The following PVALB variants were observed in gnomAD, a reference collection of about 807,000 sequenced individuals.
PVALB encodes the protein parvalbumin.
Under a neutral mutation model 10.9 loss-of-function variants are expected in PVALB, and 11 were observed. That is an observed-to-expected ratio of 1.01 (90% confidence interval 0.63 to 1.67). The LOEUF (loss-of-function observed/expected upper bound fraction) is 1.67. PVALB is among the 40% of genes most tolerant of loss of function. The pLI is 0.00. For synonymous variants in PVALB, 57 were observed against 50.7 expected (o/e 1.12, Z -0.53); for missense variants, 131 against 136.2 (o/e 0.96, Z 0.19).
Position 36,813,670 on chromosome 22 carries a change from CA to C in PVALB, c.279del (p.Asp93GlufsTer22). 2 of 1,614,102 alleles carry C rather than the reference CA, an allele frequency of 1.2e-6. No individual in the cohort carries two copies. Among genetic ancestry groups the C allele is most frequent in the South Asian group, 2.2e-5 (2 of 91,068 alleles). ...CCGTCAACCCCAATTTTGCCGTCCC[CA>C]TCTTTGTCTCCAGCAGCCATCAGCA... Reference protein sequence around the residue: ...TKMLMAAGDKDGDGKIGVDEF... With the variant: ...TKMLMAAGDKXGDGKIGVDEF... On this transcript the variant is annotated frameshift_variant, in exon 3 of 4. Transcript: ENST00000417718. LOFTEE classifies it high-confidence loss of function.
intron 3 of PVALB, among the ~76,000 whole-genome samples, chr22:36,809,143 T>A (rs994442647): frequency 6.6e-6 from 1 of 152,192 alleles, no homozygotes; most frequent in African/African-American, 2.4e-5. Flanking sequence ...TGGCACCTGC[T>A]ACAGACAAGT....
chr22:36,806,116 C>T (rs1339087366), intron 3 of PVALB, among the ~76,000 whole-genome samples: 3 of 152,164 alleles, frequency 2.0e-5, no homozygotes, highest in Admixed American at 6.5e-5. Context: ...AGTGGGAATG[C>T]GACTAAATCA....
intron 3 of PVALB, among the ~76,000 whole-genome samples, chr22:36,805,119 T>C (rs1938929887): frequency 6.6e-6 from 1 of 152,184 alleles, no homozygotes; most frequent in South Asian, 2.1e-4. Flanking sequence ...TCCCTGGTCT[T>C]GCTTTTCTTA....
intron 3 of PVALB, 64 bp from the exon 4 acceptor site, chr22:36,800,982 C>T (rs1601516527): frequency 2.0e-6 from 3 of 1,514,676 alleles, no homozygotes; most frequent in Non-Finnish European, 2.7e-6. Context: ...CTGTCCACAC[C>T]TGACTGCGGG....
At chr22:36,818,801 G>T (rs1316947358), upstream of PVALB, 1 of 152,264 alleles carries the variant, frequency 6.6e-6, no homozygotes, top group Non-Finnish European at 1.5e-5. Flanking sequence ...GCAGAGCAGG[G>T]TACACCCCTG....
intron 3 of PVALB, among the ~76,000 whole-genome samples, chr22:36,812,269 C>T (rs1464982092): frequency 6.6e-6 from 1 of 152,148 alleles, no homozygotes; most frequent in African/African-American, 2.4e-5. Context: ...CTGGGCTTTA[C>T]ACTCAGGCAG....
chr22:36,804,802 C>T lies in PVALB; in HGVS notation c.305-3884G>A, dbSNP rs528026910. Among the ~76,000 whole-genome samples, 14 of 152,144 alleles carry T rather than the reference C, an allele frequency of 9.2e-5. No homozygotes were observed. In the South Asian group the frequency reaches 1.0e-3, roughly 11 times the overall value. ...TACAAAAGTCAGCCGGGAGTGGTGGCGCGCGCCTGTAATCCCAGGTACTCA... is the reference window on the plus strand; with the variant it reads ...TACAAAAGTCAGCCGGGAGTGGTGGTGCGCGCCTGTAATCCCAGGTACTCA... On this transcript the variant is annotated intron_variant, in intron 3 of 3. Transcript: ENST00000417718.
At chr22:36,805,559 C>T (rs992984208) in intron 3 of PVALB, among the ~76,000 whole-genome samples, 1 of 152,188 alleles carries the variant, frequency 6.6e-6, no homozygotes, top group African/African-American at 2.4e-5. Flanking sequence ...TGGCACCTAC[C>T]TACAATCATC....
intron 3 of PVALB, among the ~76,000 whole-genome samples, chr22:36,810,792 T>C (rs372721474): frequency 3.3e-5 from 5 of 152,350 alleles, no homozygotes; most frequent in African/African-American, 9.6e-5. Context: ...TTTCTGAACA[T>C]ACCCAAAAGT....
At chr22:36,814,261 C>T (rs2145953612) in intron 2 of PVALB, among the ~76,000 whole-genome samples, 1 of 105,894 alleles carries the variant, frequency 9.4e-6, no homozygotes, top group South Asian at 3.6e-4. Flanking sequence ...GGAAGTCAGC[C>T]TCTGTGAGTG....
chr22:36,809,881 CGTTTTGTTTT>C (rs903591332), intron 3 of PVALB, among the ~76,000 whole-genome samples: 1 of 80,500 alleles, frequency 1.2e-5, no homozygotes, highest in African/African-American at 3.8e-5. Flanking sequence ...TTTGGTTTTT[CGTTTTGTTTT>C]GTTTTGTTTT....
At position 36,800,780 on chromosome 22, in the gene PVALB, A is replaced by T; in HGVS notation, c.*110T>A. The T allele has an allele frequency of 8.4e-7, 1 of 1,189,492 alleles. No individual in the cohort carries two copies. The highest frequency in any genetic ancestry group is 1.5e-5 in the African/African-American group (1 of 66,530). The allele number at this position is 1,189,492 out of a possible 1,614,324, so 73.7% of individuals were successfully genotyped here. A position where few individuals can be genotyped will look rare whatever the true frequency, so the allele number is the denominator to read the frequency against. On this transcript the variant is annotated 3_prime_UTR_variant, in exon 4 of 4. Transcript: ENST00000417718. ...ATTAGAGGGCCACAGGGGATGGGGG[A>T]GTAAAAAATAACATAAACGAACTGA...
intron 3 of PVALB, among the ~76,000 whole-genome samples, chr22:36,801,141 T>A (rs1227052698): frequency 2.0e-5 from 3 of 152,186 alleles, no homozygotes; most frequent in African/African-American, 7.2e-5. Context: ...TTTTGGTTCA[T>A]CATGCCATGC....
rs546047570 is a variant in PVALB at position 36,805,881 on chromosome 22, G to A, written c.305-4963C>T. 2.4e-4 allele frequency among the ~76,000 whole-genome samples: 37 copies of A among 152,230 alleles called. No homozygotes were observed. In the South Asian group the frequency reaches 7.5e-3, roughly 31 times the overall value. ...CAAGGAAGATATAAACAGAGGGCAC[G>A]GAAAGCCTAAAGAGCAGCCAGCTGA... is the stretch of plus-strand genomic sequence containing the variant. On this transcript the variant is annotated intron_variant, in intron 3 of 3. Transcript: ENST00000417718.
intron 3 of PVALB, 54 bp downstream of exon 3, chr22:36,813,592 A>T (rs1939080389): frequency 2.1e-6 from 3 of 1,458,018 alleles, no homozygotes; most frequent in Admixed American, 1.7e-5. Flanking sequence ...AACTTTTCGC[A>T]TCCAACACCC....
chr22:36,804,590 G>C (rs1263845309), intron 3 of PVALB, among the ~76,000 whole-genome samples: 1 of 152,152 alleles, frequency 6.6e-6, no homozygotes, highest in Non-Finnish European at 1.5e-5. Context: ...TTAACGAACA[G>C]GTCTCCTAGC....
chr22:36,801,185 T>C (rs1938857764), intron 3 of PVALB, among the ~76,000 whole-genome samples: 2 of 152,184 alleles, frequency 1.3e-5, no homozygotes, highest in Admixed American at 1.3e-4. Flanking sequence ...ACTACACTAA[T>C]AACAATAGCA....
chr22:36,808,482 A>G (rs905265052), intron 3 of PVALB, among the ~76,000 whole-genome samples: 4 of 152,270 alleles, frequency 2.6e-5, no homozygotes, highest in African/African-American at 9.6e-5. Flanking sequence ...GTCACTTCTC[A>G]CGATGCCTCA....
At chr22:36,806,584 T>C (rs1938953629) in intron 3 of PVALB, among the ~76,000 whole-genome samples, 1 of 152,112 alleles carries the variant, frequency 6.6e-6, no homozygotes, top group South Asian at 2.1e-4. Flanking sequence ...CCTCCTGGTT[T>C]ATCACCTCAC....
Sources: gnomAD v4.1 joint callset for allele counts (sites outside exome capture counted in the v4.1 genomes callset) on GRCh38, gnomAD v4.1.1 for gene constraint, MANE v1.5 for transcripts, NCBI Gene and HGNC (gene_info 2026-07-23, HGNC 2026-07-21) for gene names.